SLC24A4: variants seen among roughly 807,000 people sequenced by gnomAD.
SLC24A4 encodes sodium/potassium/calcium exchanger 4.
SLC24A4 carries 53 observed loss-of-function variants against 79.0 expected under a neutral mutation model. That is an observed-to-expected ratio of 0.67 (90% confidence interval 0.54 to 0.84). The LOEUF is 0.84. Ranked by LOEUF, SLC24A4 falls within the 40% of genes least tolerant of loss-of-function variation. The pLI, the probability that SLC24A4 is intolerant of heterozygous loss-of-function variation, is 0.00. For missense variants in SLC24A4, 731 were observed against 822.0 expected (o/e 0.89, Z 1.35); for synonymous variants, 323 against 323.8 (o/e 1.00, Z 0.03).
Position 92,442,188 on chromosome 14 carries a change from C to T in SLC24A4, c.478+15C>T. 6.2e-7 allele frequency: 1 copy of T among 1,608,388 alleles called. No homozygotes were observed. On this transcript the variant is annotated intron_variant, in intron 5 of 16. Coordinates refer to ENST00000532405, the MANE Select transcript of SLC24A4 (RefSeq NM_153646.4). ...GTCTGTTATTGGTAAGAAATCCCCT[C>T]CAGCCTGAGACACAGGATCTAGAGA...
intron 2 of SLC24A4, among the ~76,000 whole-genome samples, chr14:92,426,160 G>A (rs1275977353): frequency 6.6e-6 from 1 of 152,084 alleles, no homozygotes; most frequent in Non-Finnish European, 1.5e-5. Flanking sequence ...TCTGTTTAGT[G>A]TTACTAAAAA....
chr14:92,450,305 C>T (rs562786585), intron 10 of SLC24A4: 2 of 152,254 alleles, frequency 1.3e-5, no homozygotes, highest in African/African-American at 2.4e-5. Flanking sequence ...ATCCTGGAGC[C>T]GATGAAGGCA....
rs540048945 is a variant in SLC24A4, at chr14:92,417,316, G to T, written c.242-16596G>T. 4.1e-3 allele frequency among the ~76,000 whole-genome samples: 621 copies of T among 152,010 alleles called. 3 individuals carry two copies. Among genetic ancestry groups the T allele is most frequent in the Non-Finnish European group, 7.6e-3 (520 of 67,998 alleles). On this transcript the variant is annotated intron_variant, in intron 2 of 16. Transcript: ENST00000532405. ...TGTGTGTGCTCATGTCTTTATTTTT[G>T]ATTTAAAAATTTAAAAAGTTAAAAA... is the stretch of plus-strand genomic sequence containing the variant.
intron 2 of SLC24A4, among the ~76,000 whole-genome samples, chr14:92,424,083 C>T (rs1329788016): frequency 2.6e-5 from 4 of 152,298 alleles, no homozygotes; most frequent in South Asian, 2.1e-4. Context: ...GCCTTGTTCT[C>T]GGTATCTCTG....
chr14:92,374,049 A>G (rs759010865), intron 2 of SLC24A4, among the ~76,000 whole-genome samples: 1 of 152,236 alleles, frequency 6.6e-6, no homozygotes, highest in Non-Finnish European at 1.5e-5. Context: ...ACCATATTGC[A>G]TACTATTATT....
In SLC24A4 at chr14:92,404,873, C is replaced by T. The variant is rs533124585; in HGVS notation, c.242-29039C>T. On this transcript the variant is annotated intron_variant, in intron 2 of 16. Coordinates refer to ENST00000532405, the MANE Select transcript of SLC24A4 (RefSeq NM_153646.4). ...CATCTCTCTTGTCCTCTCCTTTATT[C>T]CTATCATCTAGTCCTGGCACATAAT... Among the ~76,000 whole-genome samples, 6 of 152,228 alleles carry T rather than the reference C, an allele frequency of 3.9e-5. No homozygotes were observed. In the South Asian group the frequency reaches 1.2e-3, roughly 32 times the overall value.
chr14:92,439,596 C>A lies in SLC24A4; in HGVS notation c.393+187C>A, dbSNP rs369400604. ...CCCTCAAATTGGTCTTGGTGGATGG[C>A]AGCCTCTCCCAGAACTTGGCAGAAA... On this transcript the variant is annotated intron_variant, in intron 4 of 16. Coordinates refer to ENST00000532405, the MANE Select transcript of SLC24A4 (RefSeq NM_153646.4). Among the ~76,000 whole-genome samples, 17 of 152,380 alleles carry A rather than the reference C, an allele frequency of 1.1e-4. No homozygotes were observed. In the East Asian group the frequency reaches 1.7e-3, roughly 16 times the overall value.
At chr14:92,479,531 A>C (rs1277955967) in intron 12 of SLC24A4, among the ~76,000 whole-genome samples, 1 of 152,206 alleles carries the variant, frequency 6.6e-6, no homozygotes, top group Non-Finnish European at 1.5e-5. Context: ...ATGTTAAATC[A>C]AGCTTTCATT....
chr14:92,468,043 C>A (rs1303436229), intron 12 of SLC24A4, among the ~76,000 whole-genome samples: 1 of 152,036 alleles, frequency 6.6e-6, no homozygotes, highest in Non-Finnish European at 1.5e-5. Flanking sequence ...GGAACCCACA[C>A]AAAAATAACA....
chr14:92,371,857 C>T (rs990696981), intron 2 of SLC24A4, among the ~76,000 whole-genome samples: 4 of 152,252 alleles, frequency 2.6e-5, no homozygotes, highest in African/African-American at 7.2e-5. Flanking sequence ...TGGGGCTAAG[C>T]TTCTATGACA....
chr14:92,445,425 T>C lies in SLC24A4; in HGVS notation c.683+83T>C. 3 of 1,403,882 alleles carry C rather than the reference T, an allele frequency of 2.1e-6. No individual in the cohort carries two copies. The Admixed American group carries it at 6.0e-5, about 28-fold the overall frequency. The allele number at this position is 1,403,882 out of a possible 1,614,324, so 87.0% of individuals were successfully genotyped here. A position where few individuals can be genotyped will look rare whatever the true frequency, so the allele number is the denominator to read the frequency against. Reference sequence around the variant, plus strand: ...TATTTGTTGGGTTCCCTGAATCGTTTTAAAAATTATTTTTATAAACTTAAG... The same window carrying C: ...TATTTGTTGGGTTCCCTGAATCGTTCTAAAAATTATTTTTATAAACTTAAG... On this transcript the variant is annotated intron_variant, in intron 8 of 16. Coordinates refer to ENST00000532405, the MANE Select transcript of SLC24A4 (RefSeq NM_153646.4).
intron 2 of SLC24A4, among the ~76,000 whole-genome samples, chr14:92,393,493 G>T (rs1269677196): frequency 6.6e-6 from 1 of 151,076 alleles, no homozygotes; most frequent in African/African-American, 2.4e-5. Context: ...AGGTCTGGTC[G>T]CACATCCAAG....
chr14:92,445,987 A>C (rs55776825), intron 8 of SLC24A4, among the ~76,000 whole-genome samples: 11,992 of 152,256 alleles, frequency 0.079, 756 homozygotes, highest in African/African-American at 0.15. Context: ...GCTTGCGCCC[A>C]GGAGTTTGAG....
intron 2 of SLC24A4, among the ~76,000 whole-genome samples, chr14:92,421,534 G>C (rs1435623991): frequency 1.3e-5 from 2 of 151,836 alleles, no homozygotes; most frequent in African/African-American, 4.9e-5. Context: ...TTGAGACACA[G>C]TTTTACTCTG....
intron 2 of SLC24A4, among the ~76,000 whole-genome samples, chr14:92,388,438 G>T (rs1475390912): frequency 1.3e-5 from 2 of 151,830 alleles, no homozygotes; most frequent in Non-Finnish European, 2.9e-5. Flanking sequence ...CACGTCCTCT[G>T]TGGTTCTCCA....
intron 2 of SLC24A4, among the ~76,000 whole-genome samples, chr14:92,386,323 C>G (rs952050376): frequency 6.6e-6 from 1 of 152,048 alleles, no homozygotes; most frequent in Admixed American, 6.5e-5. Context: ...TTCTCTGTGC[C>G]TCAGTTTTCT....
chr14:92,363,672 A>C (rs1342787347), intron 2 of SLC24A4, among the ~76,000 whole-genome samples: 2 of 152,122 alleles, frequency 1.3e-5, no homozygotes, highest in Admixed American at 1.3e-4. Flanking sequence ...TCTACTAAAA[A>C]TACAAAAATT....
At chr14:92,426,555 G>A (rs1215480485) in intron 2 of SLC24A4, among the ~76,000 whole-genome samples, 2 of 152,080 alleles carry the variant, frequency 1.3e-5, no homozygotes, top group East Asian at 3.9e-4. Context: ...CTTTTTCATG[G>A]CACTGAATCT....
intron 2 of SLC24A4, among the ~76,000 whole-genome samples, chr14:92,433,368 T>C (rs1347484328): frequency 6.6e-6 from 1 of 152,190 alleles, no homozygotes; most frequent in East Asian, 1.9e-4. Flanking sequence ...TTTAGATTAT[T>C]TCCACATCTT....
Sources: gnomAD v4.1 joint callset for allele counts (sites outside exome capture counted in the v4.1 genomes callset) on GRCh38, gnomAD v4.1.1 for gene constraint, MANE v1.5 for transcripts, NCBI Gene and HGNC (gene_info 2026-07-23, HGNC 2026-07-21) for gene names.